Variants in PROCA1 observed in about 807,000 individuals in gnomAD.
PROCA1 encodes the protein protein PROCA1.
PROCA1 carries 22 observed loss-of-function variants against 23.2 expected under a neutral mutation model. The ratio of observed to expected loss-of-function variants is 0.95; its 90% confidence interval spans 0.68 to 1.35. PROCA1 has a LOEUF of 1.35. Ranked by LOEUF, PROCA1 falls within the 40% of genes most tolerant of loss-of-function variation. PROCA1 has a pLI of 0.00. For missense variants in PROCA1, 469 were observed against 459.8 expected (o/e 1.02, Z -0.18); for synonymous variants, 182 against 179.2 (o/e 1.02, Z -0.12).
chr17:28,711,446 G>T, intron 1 of PROCA1, 124 bp downstream of exon 1: 1 of 809,062 alleles, frequency 1.2e-6, no homozygotes, highest in Non-Finnish European at 1.9e-6. Context: ...GCCCAGCACT[G>T]GGCCCCGCCT....
Position 28,711,829 on chromosome 17 carries a change from C to T in PROCA1, c.-169G>A, listed in dbSNP as rs2032801504. 1.8e-6 allele frequency: 1 copy of T among 570,032 alleles called. No individual in the cohort carries two copies. The highest frequency in any genetic ancestry group is 2.0e-5 in the African/African-American group (1 of 50,488). The allele number at this position is 570,032 out of a possible 1,614,324, so 35.3% of individuals were successfully genotyped here. Reference sequence around the variant, plus strand: ...CGCAGCCCCCGCCGGCCTCCCCAGCCCGGCTCCAGGCTGCGTAGTCTTCCC... The same window carrying T: ...CGCAGCCCCCGCCGGCCTCCCCAGCTCGGCTCCAGGCTGCGTAGTCTTCCC... On this transcript the variant is annotated 5_prime_UTR_variant, in exon 1 of 5. Transcript: ENST00000682792.
intron 1 of PROCA1, chr17:28,710,856 T>C: frequency 7.7e-7 from 1 of 1,304,148 alleles, no homozygotes; most frequent in Non-Finnish European, 1.0e-6. Context: ...CACAAAGGCC[T>C]AACTCAAAAC....
rs529414514 is a variant in PROCA1, at chr17:28,704,797, G to A, written c.222C>T (p.Cys74=). The A allele has an allele frequency of 3.0e-5, 49 of 1,613,726 alleles. No homozygotes were observed. Among genetic ancestry groups the A allele is most frequent in the Admixed American group, 1.5e-4 (9 of 60,018 alleles). Residue 74 remains cysteine, a synonymous_variant, in exon 3 of 5, where the codon TGC becomes TGT. Coordinates refer to ENST00000682792, the MANE Select transcript of PROCA1 (RefSeq NM_001366301.1). The part of the protein sequence containing the change: ...PDKCCWRHKQ[C]TGHIIYPFAS... Reference sequence around the variant, plus strand: ...CGAAAGGGTAGATGATGTGCCCAGTGCACTGCTTGTGTCTCCAGCAGCACT... The same window carrying A: ...CGAAAGGGTAGATGATGTGCCCAGTACACTGCTTGTGTCTCCAGCAGCACT...
chr17:28,704,858 G>C lies in PROCA1; in HGVS notation c.176-15C>G. The stretch of plus-strand genomic sequence containing the variant: ...CTTGCAGTCACCTGAGGGGGCAGGA[G>C]TCTGGGTCATCAGTAGCAGCCGCAG... On this transcript the variant is annotated splice_polypyrimidine_tract_variant and intron_variant, in intron 2 of 4. Coordinates refer to ENST00000682792, the MANE Select transcript of PROCA1 (RefSeq NM_001366301.1). 1 of 1,610,976 alleles carries C rather than the reference G, an allele frequency of 6.2e-7. No homozygotes were observed. The highest frequency in any genetic ancestry group is 8.5e-7 in the Non-Finnish European group (1 of 1,179,376).
chr17:28,704,669 T>G, intron 3 of PROCA1, 39 bp downstream of exon 3: 1 of 1,610,760 alleles, frequency 6.2e-7, no homozygotes, highest in Non-Finnish European at 8.5e-7. Context: ...AGTTCGGACC[T>G]GGCTCTGCCA....
At chr17:28,710,931 C>T (rs2032749193) in intron 1 of PROCA1, 1 of 1,297,146 alleles carries the variant, frequency 7.7e-7, no homozygotes, top group Non-Finnish European at 1.0e-6. Flanking sequence ...CTCTCCTCGA[C>T]CTCGAGGCAC....
chr17:28,708,504 T>C (rs1470587822), intron 1 of PROCA1, among the ~76,000 whole-genome samples: 1 of 152,146 alleles, frequency 6.6e-6, no homozygotes, highest in African/African-American at 2.4e-5. Context: ...CTCAGAAGGC[T>C]CTACAAAAGC....
chr17:28,707,712 A>C (rs2032583660), intron 1 of PROCA1: 1 of 152,220 alleles, frequency 6.6e-6, no homozygotes, highest in African/African-American at 2.4e-5. Flanking sequence ...CATAAAACAA[A>C]ACACTCTGTC....
Position 28,704,077 on chromosome 17 carries a change from C to T in PROCA1, c.576G>A (p.Gly192=), listed in dbSNP as rs1023540712. ...ESKPPIPTQV[G]PATASPDLGT... ...CTAGGTCAGGGGAGGCGGTGGCGGG[C>T]CCCACCTGTGTCGGGATGGGGGGCT... Residue 192 remains glycine, a synonymous_variant, in exon 5 of 5, where the codon GGG becomes GGA. Coordinates refer to ENST00000682792, the MANE Select transcript of PROCA1 (RefSeq NM_001366301.1). 1.3e-6 allele frequency: 2 copies of T among 1,595,034 alleles called. No individual in the cohort carries two copies.
At chr17:28,708,235 C>T (rs888814259) in intron 1 of PROCA1, among the ~76,000 whole-genome samples, 1 of 152,188 alleles carries the variant, frequency 6.6e-6, no homozygotes, top group Non-Finnish European at 1.5e-5. Flanking sequence ...GTCTCGAACT[C>T]CTGACCTTGT....
intron 1 of PROCA1, among the ~76,000 whole-genome samples, chr17:28,708,079 G>A (rs1400945830): frequency 2.0e-5 from 3 of 151,988 alleles, no homozygotes. Context: ...GTGGGATCTC[G>A]GCTTACTGCA....
chr17:28,710,098 C>T (rs1312465376), intron 1 of PROCA1, among the ~76,000 whole-genome samples: 1 of 152,092 alleles, frequency 6.6e-6, no homozygotes, highest in African/African-American at 2.4e-5. Context: ...ATCTGGACTC[C>T]ACAGCCTCCC....
At chr17:28,711,521 T>G (rs750827076) in intron 1 of PROCA1, 49 bp downstream of exon 1, 1 of 1,503,216 alleles carries the variant, frequency 6.7e-7, no homozygotes, top group African/African-American at 1.4e-5. Context: ...GCTCGGGGTC[T>G]GCGAGCCGGG....
chr17:28,711,043 G>A, intron 1 of PROCA1: 3 of 1,150,824 alleles, frequency 2.6e-6, no homozygotes, highest in Admixed American at 7.5e-5. Context: ...GGAGGGAAGA[G>A]GAGGAAGCAA....
intron 1 of PROCA1, among the ~76,000 whole-genome samples, chr17:28,708,952 C>T (rs757162960): frequency 2.0e-5 from 3 of 151,970 alleles, no homozygotes; most frequent in Non-Finnish European, 2.9e-5. Context: ...GCCGTGATCA[C>T]GCCACTGCAT....
At position 28,703,376 on chromosome 17, in the gene PROCA1, T is replaced by G; in HGVS notation, c.*182A>C. On this transcript the variant is annotated 3_prime_UTR_variant, in exon 5 of 5. Transcript: ENST00000682792. ...AGAAATAGGGCTGTGCCCCTTCCTT[T>G]CCCTCCCACCTGCCTTCCCATGGGC... 1.6e-6 allele frequency: 1 copy of G among 640,182 alleles called. No individual in the cohort carries two copies. The highest frequency in any genetic ancestry group is 2.7e-6 in the Non-Finnish European group (1 of 370,178). 39.7% of individuals were successfully genotyped at this position (640,182 alleles called of 1,614,324 possible).
At chr17:28,711,445 T>C (rs1467607832) in intron 1 of PROCA1, 125 bp downstream of exon 1, 3 of 804,592 alleles carry the variant, frequency 3.7e-6, no homozygotes, top group Non-Finnish European at 5.6e-6. Context: ...GGCCCAGCAC[T>C]GGGCCCCGCC....
At position 28,706,767 on chromosome 17, in the gene PROCA1, AG is replaced by A; in HGVS notation, c.92-5del. 2.3e-6 allele frequency: 3 copies of A among 1,303,446 alleles called. No homozygotes were observed. The highest frequency in any genetic ancestry group is 3.0e-6 in the Non-Finnish European group (3 of 988,858). The allele number at this position is 1,303,446 out of a possible 1,614,324, so 80.7% of individuals were successfully genotyped here. A position where few individuals can be genotyped will look rare whatever the true frequency, so the allele number is the denominator to read the frequency against. ...CAGCTGGGTAACCTGTTTACATCTG[AG>A]AGAGCATAGAGTGGCAGTGGTGGCA... On this transcript the variant is annotated splice_polypyrimidine_tract_variant and splice_region_variant and intron_variant, in intron 1 of 4. Coordinates refer to ENST00000682792, the MANE Select transcript of PROCA1 (RefSeq NM_001366301.1).
At chr17:28,711,138 C>T (rs1373176725) in intron 1 of PROCA1, 17 of 1,185,392 alleles carry the variant, frequency 1.4e-5, no homozygotes, top group Non-Finnish European at 1.7e-5. Flanking sequence ...ACGGGTGGAA[C>T]CCTCAGTCTC....
Sources: gnomAD v4.1 joint callset for allele counts (sites outside exome capture counted in the v4.1 genomes callset) on GRCh38, gnomAD v4.1.1 for gene constraint, MANE v1.5 for transcripts, NCBI Gene and HGNC (gene_info 2026-07-23, HGNC 2026-07-21) for gene names.